The following BMP7 variants were observed in gnomAD, a reference collection of about 807,000 sequenced individuals.
BMP7 encodes the protein bone morphogenetic protein 7, also known as osteogenic protein 1.
A neutral mutation model predicts 41.2 loss-of-function variants in BMP7; 12 were observed. The ratio of observed to expected loss-of-function variants is 0.29; its 90% CI spans 0.19 to 0.47. BMP7 has a LOEUF of 0.47. BMP7 is among the 20% of genes least tolerant of loss of function. The probability of loss-of-function intolerance (pLI) is 0.99; values close to 1 mark genes in which losing one functional copy is unlikely to be tolerated. For synonymous variants in BMP7, 248 were observed against 250.0 expected (o/e 0.99, Z 0.07); for missense variants, 467 against 606.0 (o/e 0.77, Z 2.41).
intron 4 of BMP7, among the ~76,000 whole-genome samples, chr20:57,179,374 A>G (rs1984017797): frequency 6.6e-6 from 1 of 152,194 alleles, no homozygotes; most frequent in Non-Finnish European, 1.5e-5. Flanking sequence ...ACAAGTCAGG[A>G]CTGGTGCTTA....
At chr20:57,195,007 G>A (rs1373308930) in intron 3 of BMP7, among the ~76,000 whole-genome samples, 1 of 152,228 alleles carries the variant, frequency 6.6e-6, no homozygotes. Flanking sequence ...GGCATAGAGG[G>A]AAAGGCCTTC....
intron 2 of BMP7, among the ~76,000 whole-genome samples, chr20:57,205,321 ACTT>A (rs1293471050): frequency 1.1e-4 from 17 of 152,290 alleles, no homozygotes; most frequent in South Asian, 4.1e-4. Flanking sequence ...TGACTCATTT[ACTT>A]CTTCTTCCCC....
At chr20:57,209,145 C>A (rs1379065727) in intron 2 of BMP7, among the ~76,000 whole-genome samples, 1 of 151,510 alleles carries the variant, frequency 6.6e-6, no homozygotes, top group Non-Finnish European at 1.5e-5. Flanking sequence ...CATGGAGAAA[C>A]CCCATCTCTA....
chr20:57,196,568 C>T (rs994806373), intron 3 of BMP7, among the ~76,000 whole-genome samples: 5 of 152,232 alleles, frequency 3.3e-5, no homozygotes, highest in African/African-American at 7.2e-5. Flanking sequence ...CTGTAGGAAA[C>T]TTGTTCTAAC....
intron 3 of BMP7, among the ~76,000 whole-genome samples, chr20:57,194,783 C>T (rs1431764904): frequency 1.3e-5 from 2 of 152,210 alleles, no homozygotes; most frequent in African/African-American, 2.4e-5. Flanking sequence ...GTCACAGGCG[C>T]AAAGTCACCT....
Position 57,171,019 on chromosome 20 carries a change from G to T in BMP7, c.1236C>A (p.Ser412Arg). Residue 412 changes from serine (S) to arginine (R), a missense_variant, in exon 7 of 7, where the codon AGC becomes AGA. Ser to Arg is a moderately radical substitution (Grantham distance 110, BLOSUM62 -1). Around this residue, in one of 2 missense-constraint regions of BMP7, gnomAD observed 60 missense variants for 120.1 expected, o/e 0.50. Transcript: ENST00000395863. This position sits in a 1 kb window ranked among gnomAD's most constrained non-coding sequence, Gnocchi z 4.5. ...NAISVLYFDD[S>R]SNVILKKYRN... is the part of the protein sequence containing the mutation. ...TGTATTTCTTCAGGATGACGTTGGA[G>T]CTGTCATCGAAGTAGAGGACGGAGA... The T allele has an allele frequency of 6.2e-7, 1 of 1,614,208 alleles. No homozygotes were observed. Among genetic ancestry groups the T allele is most frequent in the Non-Finnish European group, 8.5e-7 (1 of 1,180,032 alleles).
intron 2 of BMP7, chr20:57,226,000 C>A (rs1206125721): frequency 2.4e-5 from 11 of 468,062 alleles, no homozygotes; most frequent in Non-Finnish European, 4.9e-5. Context: ...CCCAGAAGCC[C>A]CCAGGAGCAG....
At chr20:57,236,882 A>C (rs456641) in intron 1 of BMP7, among the ~76,000 whole-genome samples, 102,877 of 152,124 alleles carry the variant, frequency 0.68, 36,478 homozygotes, top group African/African-American at 0.91. Flanking sequence ...CCTCCTGAAG[A>C]CGTTCTCCCA....
At chr20:57,265,669 G>A in intron 1 of BMP7, 36 bp downstream of exon 1, 3 of 1,575,274 alleles carry the variant, frequency 1.9e-6, no homozygotes, top group Non-Finnish European at 8.6e-7. Flanking sequence ...AAGTGCCCCC[G>A]AAAGGAGACG....
chr20:57,205,358 G>A (rs1257578488), intron 2 of BMP7, among the ~76,000 whole-genome samples: 2 of 152,138 alleles, frequency 1.3e-5, no homozygotes, highest in African/African-American at 4.8e-5. Flanking sequence ...GGTAGTTTCA[G>A]GCTGGCTTCG....
At chr20:57,241,593 G>A (rs890799753) in intron 1 of BMP7, among the ~76,000 whole-genome samples, 3 of 152,146 alleles carry the variant, frequency 2.0e-5, no homozygotes, top group Admixed American at 6.5e-5. Flanking sequence ...AGTCCTACCC[G>A]CCTGGCTCTC....
At chr20:57,243,105 C>T (rs2066076258) in intron 1 of BMP7, among the ~76,000 whole-genome samples, 1 of 152,220 alleles carries the variant, frequency 6.6e-6, no homozygotes, top group Non-Finnish European at 1.5e-5. Flanking sequence ...TGCTGTCGCC[C>T]ACACTGCTTT....
intron 3 of BMP7, among the ~76,000 whole-genome samples, chr20:57,192,011 T>C (rs1984371783): frequency 8.0e-6 from 1 of 125,768 alleles, no homozygotes; most frequent in African/African-American, 3.2e-5. Flanking sequence ...ATGTAATATA[T>C]ATTATATATA....
At chr20:57,250,279 T>A (rs62205722) in intron 1 of BMP7, among the ~76,000 whole-genome samples, 1 of 126,722 alleles carries the variant, frequency 7.9e-6, no homozygotes, top group African/African-American at 3.5e-5. Context: ...AAAATATATA[T>A]AGAGTATATT....
chr20:57,245,184 A>G (rs2066084895), intron 1 of BMP7, among the ~76,000 whole-genome samples: 1 of 152,226 alleles, frequency 6.6e-6, no homozygotes, highest in South Asian at 2.1e-4. Flanking sequence ...GAAATCTTGA[A>G]GAGCCTCACT....
rs913850563 is a variant in BMP7 at position 57,176,727 on chromosome 20, T to C, written c.959-1720A>G. On this transcript the variant is annotated intron_variant, in intron 4 of 6. Transcript: ENST00000395863. ...CTTCTAGCCCACTTGTTAGGGAAAT[T>C]TGAAACTACGCACATTCTCCATTCA... 6.3e-5 allele frequency among the ~76,000 whole-genome samples: 9 copies of C among 142,918 alleles called. No homozygotes were observed. In the Admixed American group the frequency reaches 6.6e-4, roughly 10 times the overall value. 93.8% of individuals were successfully genotyped at this position (142,918 alleles called of 152,430 possible). A position where few individuals can be genotyped will look rare whatever the true frequency, so the allele number is the denominator to read the frequency against.
At chr20:57,191,846 T>A (rs1272767012) in intron 3 of BMP7, among the ~76,000 whole-genome samples, 7 of 137,682 alleles carry the variant, frequency 5.1e-5, no homozygotes, top group South Asian at 4.3e-4. Context: ...TTTTATATAT[T>A]ATAGATATAA....
At position 57,171,291 on chromosome 20, in the gene BMP7, T is replaced by A. The variant is rs2123054470; in HGVS notation, c.1147-183A>T. On this transcript the variant is annotated intron_variant, in intron 6 of 6. Coordinates refer to ENST00000395863, the MANE Select transcript of BMP7 (RefSeq NM_001719.3). This position sits in a 1 kb window ranked among gnomAD's most constrained non-coding sequence, Gnocchi z 4.5. ...GACAACTCAGTTCTGGGATTATCCC[T>A]GTTTTGCAGACAAGGGAACCAAAGC... Among the ~76,000 whole-genome samples, 1 of 152,336 alleles carries A rather than the reference T, an allele frequency of 6.6e-6. No homozygotes were observed.
chr20:57,264,562 T>A (rs1252166103), intron 1 of BMP7, among the ~76,000 whole-genome samples: 3 of 152,092 alleles, frequency 2.0e-5, no homozygotes, highest in Non-Finnish European at 4.4e-5. Flanking sequence ...CAGGCTCGCG[T>A]CGCCGGGGTC....
Sources: allele counts gnomAD v4.1 joint callset (sites outside exome capture counted in the v4.1 genomes callset), GRCh38; gene constraint gnomAD v4.1.1; regional missense constraint gnomAD v4.1.1; non-coding constraint Gnocchi (gnomAD v3.1); transcripts MANE v1.5; gene names NCBI Gene and HGNC (gene_info 2026-07-23, HGNC 2026-07-21).